MRAP2: variants seen among roughly 807,000 people sequenced by gnomAD.
The protein encoded by MRAP2 is melanocortin 2 receptor accessory protein 2, also known as melanocortin-2 receptor accessory protein 2.
Under a neutral mutation model 17.4 loss-of-function variants are expected in MRAP2, and 20 were observed. That is an observed-to-expected ratio of 1.15 (90% CI 0.81 to 1.67). The LOEUF is 1.67. MRAP2 is among the 40% of genes most tolerant of loss of function. MRAP2 has a pLI of 0.00. For synonymous variants in MRAP2, 96 were observed against 88.4 expected, an observed-to-expected ratio of 1.09 and a Z score of -0.48; for missense variants, 238 against 240.0, an observed-to-expected ratio of 0.99 and a Z score of 0.05.
intron 3 of MRAP2, among the ~76,000 whole-genome samples, chr6:84,085,279 C>A (rs1588661612): frequency 1.3e-5 from 2 of 152,120 alleles, no homozygotes; most frequent in Middle Eastern, 3.2e-3. Flanking sequence ...TGGTCTCGAT[C>A]TCCTGACCTC....
intron 3 of MRAP2, among the ~76,000 whole-genome samples, chr6:84,084,861 TTA>T (rs1463629267): frequency 3.1e-4 from 29 of 93,482 alleles, no homozygotes; most frequent in Non-Finnish European, 5.3e-4. Flanking sequence ...TTTCATTTCT[TTA>T]TTTTATTTTA....
chr6:84,076,611 C>G (rs1220556053), intron 3 of MRAP2, among the ~76,000 whole-genome samples: 1 of 152,142 alleles, frequency 6.6e-6, no homozygotes, highest in Non-Finnish European at 1.5e-5. Context: ...CCACCTGCCT[C>G]GGCCTCCCAA....
rs1363264399 is a variant in MRAP2, at chr6:84,055,298, C to T, written c.-7-14C>T. ...ATTAACAGGTTCTGCGCTTGACTTT[C>T]TCCATTTGTGCAGGTCGGAGATGTC... On this transcript the variant is annotated splice_polypyrimidine_tract_variant and intron_variant, in intron 1 of 3. Coordinates refer to ENST00000257776, the MANE Select transcript of MRAP2 (RefSeq NM_138409.4). 2.5e-6 allele frequency: 4 copies of T among 1,599,856 alleles called. No individual in the cohort carries two copies. Among genetic ancestry groups the T allele is most frequent in the Non-Finnish European group, 3.4e-6 (4 of 1,176,630 alleles).
the MRAP2 span, among the ~76,000 whole-genome samples, chr6:84,131,665 CT>C: frequency 0.11 from 16,512 of 149,834 alleles, 2,436 homozygotes; most frequent in African/African-American, 0.34. Flanking sequence ...GCAACCGCTG[CT>C]TTTTTTTTGT....
chr6:84,035,386 AC>A (rs1315976105), intron 1 of MRAP2: 7 of 980,534 alleles, frequency 7.1e-6, no homozygotes, highest in South Asian at 9.4e-5. Flanking sequence ...ACAAATACTT[AC>A]GCCAAACCAA....
At chr6:84,068,674 G>T (rs2099495389) in intron 3 of MRAP2, among the ~76,000 whole-genome samples, 1 of 149,826 alleles carries the variant, frequency 6.7e-6, no homozygotes, top group Non-Finnish European at 1.5e-5. Flanking sequence ...TGCAGATATT[G>T]TAAAAGGGGA....
At chr6:84,055,931 A>G (rs927610013) in intron 2 of MRAP2, among the ~76,000 whole-genome samples, 1 of 152,124 alleles carries the variant, frequency 6.6e-6, no homozygotes, top group African/African-American at 2.4e-5. Flanking sequence ...CATTTCTAAC[A>G]CTGTGTTCTA....
chr6:84,041,025 G>A (rs1290573810), intron 1 of MRAP2, among the ~76,000 whole-genome samples: 2 of 152,194 alleles, frequency 1.3e-5, no homozygotes, highest in East Asian at 3.9e-4. Flanking sequence ...TGGCCTGGAG[G>A]CCTAGGAAGA....
At chr6:84,107,642 C>G in the MRAP2 span, among the ~76,000 whole-genome samples, 1 of 152,172 alleles carries the variant, frequency 6.6e-6, no homozygotes, top group Admixed American at 6.5e-5. Flanking sequence ...GTACTGCTGG[C>G]CTTACCAGCT....
chr6:84,062,457 T>G, intron 2 of MRAP2: 2 of 849,548 alleles, frequency 2.4e-6, no homozygotes, highest in South Asian at 1.1e-4. Flanking sequence ...AGAATTTTGT[T>G]TTCCTTGCAC....
the MRAP2 span, among the ~76,000 whole-genome samples, chr6:84,142,258 A>T: frequency 1.3e-5 from 2 of 152,226 alleles, no homozygotes; most frequent in Non-Finnish European, 2.9e-5. Flanking sequence ...ACCTTAATTT[A>T]TTCTATCTGC....
At chr6:84,067,928 A>C (rs925974397) in intron 3 of MRAP2, among the ~76,000 whole-genome samples, 1 of 151,964 alleles carries the variant, frequency 6.6e-6, no homozygotes, top group Non-Finnish European at 1.5e-5. Context: ...TCTTTATTGC[A>C]TTTGCTTTTG....
chr6:84,091,419 G>A (rs1442484646), downstream of MRAP2, among the ~76,000 whole-genome samples: 1 of 151,678 alleles, frequency 6.6e-6, no homozygotes, highest in East Asian at 1.9e-4. Flanking sequence ...TAGTAGAGAC[G>A]AGATTTCACT....
chr6:84,043,671 G>A (rs2099488236), intron 1 of MRAP2, among the ~76,000 whole-genome samples: 1 of 147,966 alleles, frequency 6.8e-6, no homozygotes, highest in African/African-American at 2.5e-5. Context: ...GGGGTGTGGG[G>A]TGAGTGGGTG....
the MRAP2 span, among the ~76,000 whole-genome samples, chr6:84,109,011 A>G: frequency 1.3e-5 from 2 of 151,956 alleles, no homozygotes; most frequent in Non-Finnish European, 2.9e-5. Context: ...TGGGCTCTTT[A>G]TTCTGTACCA....
intron 3 of MRAP2, among the ~76,000 whole-genome samples, chr6:84,086,407 T>G (rs915940483): frequency 3.3e-5 from 5 of 152,168 alleles, no homozygotes; most frequent in African/African-American, 1.2e-4. Flanking sequence ...TATCAGACAT[T>G]TGTGAGTGAG....
In MRAP2 at chr6:84,090,488, G is replaced by A. The variant is rs1414279056; in HGVS notation, c.*1007G>A. On this transcript the variant is annotated 3_prime_UTR_variant, in exon 4 of 4. Transcript: ENST00000257776. ...TACTCTTGTCCCCAAGAAATGTTAG[G>A]AAGCTTGTCAGCTGAATGAGAGGAG... The A allele has an allele frequency of 2.0e-5, 3 of 152,216 alleles. No individual in the cohort carries two copies. Among genetic ancestry groups the A allele is most frequent in the Non-Finnish European group, 4.4e-5 (3 of 68,068 alleles). 9.4% of individuals were successfully genotyped at this position (152,216 alleles called of 1,614,324 possible).
the MRAP2 span, among the ~76,000 whole-genome samples, chr6:84,122,352 CAAAAAAAAA>C: frequency 1.4e-4 from 5 of 36,152 alleles, no homozygotes; most frequent in African/African-American, 4.6e-4. Context: ...ACAGCACATC[CAAAAAAAAA>C]AAAAAAAAAA....
At chr6:84,062,770 G>C (rs2099493507) in intron 2 of MRAP2, 123 bp from the exon 3 acceptor site, 1 of 1,505,856 alleles carries the variant, frequency 6.6e-7, no homozygotes, top group South Asian at 1.3e-5. Context: ...GCCAACTGCG[G>C]ATCAGACTGT....
Sources: allele counts gnomAD v4.1 joint callset (sites outside exome capture counted in the v4.1 genomes callset), GRCh38; gene constraint gnomAD v4.1.1; transcripts MANE v1.5; gene names NCBI Gene and HGNC (gene_info 2026-07-23, HGNC 2026-07-21).